Variants in CSMD1 observed in about 807,000 individuals in gnomAD.
The protein encoded by CSMD1 is CUB and sushi domain-containing protein 1.
CSMD1 carries 213 observed loss-of-function variants against 417.5 expected under a neutral mutation model. The observed-to-expected ratio is 0.51, with a 90% CI of 0.46 to 0.57. The LOEUF is 0.57. Among genes scored for constraint, CSMD1 ranks in the 20% least tolerant of loss-of-function variants. CSMD1 has a pLI of 0.00. For synonymous variants in CSMD1, 2,862 were observed against 1,736.8 expected (o/e 1.65, Z -16.11); for missense variants, 6,923 against 4,529.7 (o/e 1.53, Z -15.17).
chr8:4,017,095 C>T (rs564322716), intron 4 of CSMD1, among the ~76,000 whole-genome samples: 5 of 152,298 alleles, frequency 3.3e-5, no homozygotes, highest in South Asian at 2.1e-4. Context: ...TCAGTGACCG[C>T]GGTGTTCAGC....
At chr8:4,848,405 T>A (rs139658128) in intron 1 of CSMD1, among the ~76,000 whole-genome samples, 1,590 of 152,338 alleles carry the variant, frequency 0.01, 75 homozygotes, top group Admixed American at 0.072. Context: ...TCCTATGAGC[T>A]AGTAATGGCC....
chr8:3,186,531 G>C (rs1255919709), intron 36 of CSMD1, among the ~76,000 whole-genome samples: 1 of 152,174 alleles, frequency 6.6e-6, no homozygotes, highest in Non-Finnish European at 1.5e-5. Flanking sequence ...GAGAACCAGA[G>C]ATAAGATCTT....
intron 3 of CSMD1, among the ~76,000 whole-genome samples, chr8:4,153,311 T>C (rs964293674): frequency 2.0e-5 from 3 of 152,212 alleles, no homozygotes; most frequent in African/African-American, 7.2e-5. Context: ...CGGGCTCTTC[T>C]CACTTCCGAC....
chr8:4,156,683 G>T (rs532042148), intron 3 of CSMD1, among the ~76,000 whole-genome samples: 3 of 152,190 alleles, frequency 2.0e-5, no homozygotes, highest in African/African-American at 7.2e-5. Flanking sequence ...ATAATTTTCT[G>T]TACTGTCAGG....
At chr8:4,905,206 C>A (rs1356148762) in intron 1 of CSMD1, among the ~76,000 whole-genome samples, 1 of 152,088 alleles carries the variant, frequency 6.6e-6, no homozygotes, top group Non-Finnish European at 1.5e-5. Flanking sequence ...GATATCTCAT[C>A]TGTGATTTTC....
intron 2 of CSMD1, among the ~76,000 whole-genome samples, chr8:4,522,410 A>G (rs1803511222): frequency 6.6e-6 from 1 of 152,176 alleles, no homozygotes; most frequent in Non-Finnish European, 1.5e-5. Context: ...TAATATAGTT[A>G]TGTATCAGAA....
chr8:4,678,790 G>A (rs561051455), intron 1 of CSMD1, among the ~76,000 whole-genome samples: 5 of 152,252 alleles, frequency 3.3e-5, no homozygotes, highest in African/African-American at 1.2e-4. Flanking sequence ...CTTTGAGCAA[G>A]TTACCTTTAA....
intron 17 of CSMD1, among the ~76,000 whole-genome samples, chr8:3,388,086 A>G (rs997228085): frequency 6.6e-6 from 1 of 152,206 alleles, no homozygotes; most frequent in South Asian, 2.1e-4. Context: ...CTATATTTAT[A>G]TATTCCAGTT....
chr8:4,687,049 T>G (rs1806433484), intron 1 of CSMD1, among the ~76,000 whole-genome samples: 1 of 152,144 alleles, frequency 6.6e-6, no homozygotes, highest in African/African-American at 2.4e-5. Context: ...ATGGCAGATG[T>G]CTTCTGAGGC....
At chr8:4,384,742 G>A (rs1803334749) in intron 3 of CSMD1, among the ~76,000 whole-genome samples, 1 of 152,114 alleles carries the variant, frequency 6.6e-6, no homozygotes, top group African/African-American at 2.4e-5. Flanking sequence ...GCAATGTTGT[G>A]CCACTTCACA....
chr8:4,648,418 C>G (rs1005713907), intron 1 of CSMD1, among the ~76,000 whole-genome samples: 1 of 152,104 alleles, frequency 6.6e-6, no homozygotes, highest in African/African-American at 2.4e-5. Flanking sequence ...AGCCATGAGT[C>G]TTGGGGCTCA....
chr8:4,841,022 G>A (rs934723967), intron 1 of CSMD1, among the ~76,000 whole-genome samples: 5 of 152,148 alleles, frequency 3.3e-5, no homozygotes, highest in Non-Finnish European at 2.9e-5. Context: ...TCAGCCCCCT[G>A]GCTCCACCCT....
At chr8:3,904,835 C>T (rs1808005308) in intron 5 of CSMD1, among the ~76,000 whole-genome samples, 1 of 151,926 alleles carries the variant, frequency 6.6e-6, no homozygotes, top group Non-Finnish European at 1.5e-5. Flanking sequence ...TGGGGTTTTA[C>T]CATGTTGACC....
intron 3 of CSMD1, among the ~76,000 whole-genome samples, chr8:4,308,649 G>C (rs1220004739): frequency 1.3e-5 from 2 of 152,166 alleles, no homozygotes; most frequent in Non-Finnish European, 2.9e-5. Context: ...CTTATTCCAA[G>C]AACAGTTTAT....
chr8:3,575,962 C>T (rs1408288131), intron 9 of CSMD1, among the ~76,000 whole-genome samples: 1 of 151,650 alleles, frequency 6.6e-6, no homozygotes, highest in Non-Finnish European at 1.5e-5. Context: ...ACTAATTTCA[C>T]AAGAAGAAAT....
At position 2,978,914 on chromosome 8, in the gene CSMD1, A is replaced by T. The variant is rs1159217377; in HGVS notation, c.8378-114T>A. 3 of 868,606 alleles carry T rather than the reference A, an allele frequency of 3.5e-6. No homozygotes were observed. The East Asian group carries it at 8.2e-5, about 24-fold the overall frequency. 53.8% of individuals were successfully genotyped at this position (868,606 alleles called of 1,614,324 possible). A position where few individuals can be genotyped will look rare whatever the true frequency, so the allele number is the denominator to read the frequency against. On this transcript the variant is annotated intron_variant, in intron 54 of 69. Transcript: ENST00000635120. The stretch of plus-strand genomic sequence containing the variant: ...TTTAGAAAGTTCAAAAACTGACAAC[A>T]TGATGGCTGAGGCTCATGAAATTCC...
At chr8:4,155,363 T>G (rs1032435844) in intron 3 of CSMD1, among the ~76,000 whole-genome samples, 2 of 152,228 alleles carry the variant, frequency 1.3e-5, no homozygotes, top group East Asian at 1.9e-4. Flanking sequence ...ACAGCCACGC[T>G]GCTTCTAATG....
intron 57 of CSMD1, among the ~76,000 whole-genome samples, chr8:2,970,008 T>C (rs182817657): frequency 1.5e-3 from 235 of 152,342 alleles, no homozygotes; most frequent in African/African-American, 5.3e-3. Flanking sequence ...GTAACTTATT[T>C]TGTGTATGCA....
intron 3 of CSMD1, among the ~76,000 whole-genome samples, chr8:4,042,600 G>C (rs182016854): frequency 1.3e-5 from 2 of 151,772 alleles, no homozygotes; most frequent in East Asian, 3.9e-4. Flanking sequence ...CAAGCACCAG[G>C]AATGATACCC....
Sources: allele counts gnomAD v4.1 joint callset (sites outside exome capture counted in the v4.1 genomes callset), GRCh38; gene constraint gnomAD v4.1.1; transcripts MANE v1.5; gene names NCBI Gene and HGNC (gene_info 2026-07-23, HGNC 2026-07-21).